The following SLC10A6 variants were observed in gnomAD, a reference collection of about 807,000 sequenced individuals.
SLC10A6 encodes solute carrier family 10 member 6, also known as sodium-dependent organic anion transporter.
In SLC10A6, 27 loss-of-function variants were observed where a neutral mutation model predicts 30.0. The ratio of observed to expected loss-of-function variants is 0.90; its 90% confidence interval spans 0.66 to 1.24. The LOEUF (loss-of-function observed/expected upper bound fraction) is 1.24, where lower values mean the gene tolerates loss of function less well. Ranked by LOEUF, SLC10A6 falls within the 50% of genes most tolerant of loss-of-function variation. The pLI is 0.00. For missense variants in SLC10A6, 439 were observed against 457.0 expected (o/e 0.96, Z 0.36); for synonymous variants, 166 against 173.8 (o/e 0.95, Z 0.36).
chr4:86,842,041 T>C (rs1175021874), intron 1 of SLC10A6, among the ~76,000 whole-genome samples: 1 of 152,218 alleles, frequency 6.6e-6, no homozygotes, highest in Non-Finnish European at 1.5e-5. Context: ...AATAACTCTA[T>C]GTGTGAGTAT....
chr4:86,842,268 A>G (rs1746304351), intron 1 of SLC10A6, among the ~76,000 whole-genome samples: 2 of 152,218 alleles, frequency 1.3e-5, no homozygotes, highest in Non-Finnish European at 2.9e-5. Context: ...TCAAAGGTCA[A>G]AGTTGGCCAC....
intron 1 of SLC10A6, among the ~76,000 whole-genome samples, chr4:86,841,910 T>A (rs1374491395): frequency 1.3e-5 from 2 of 152,180 alleles, no homozygotes; most frequent in East Asian, 3.8e-4. Context: ...CGATTTTCCA[T>A]CCCTCAATAT....
chr4:86,830,457 A>G (rs1380828780), intron 3 of SLC10A6, among the ~76,000 whole-genome samples: 4 of 152,350 alleles, frequency 2.6e-5, no homozygotes, highest in Admixed American at 6.5e-5. Context: ...TTCCATGAGT[A>G]CAGCTAAAAA....
chr4:86,842,410 C>T (rs993825116), intron 1 of SLC10A6, among the ~76,000 whole-genome samples: 1 of 152,188 alleles, frequency 6.6e-6, no homozygotes, highest in Non-Finnish European at 1.5e-5. Flanking sequence ...AGTGGGAGGC[C>T]AGGCGTAAGT....
chr4:86,840,448 T>C (rs539946281), intron 1 of SLC10A6, among the ~76,000 whole-genome samples: 28 of 152,348 alleles, frequency 1.8e-4, no homozygotes, highest in Admixed American at 3.9e-4. Context: ...TCAGAGCTGT[T>C]TTTTTAATGG....
chr4:86,847,263 A>C (rs985371713), intron 1 of SLC10A6, among the ~76,000 whole-genome samples: 4 of 152,230 alleles, frequency 2.6e-5, no homozygotes, highest in Non-Finnish European at 5.9e-5. Flanking sequence ...ATGAGCCCCA[A>C]GAAGAAAATA....
chr4:86,835,437 C>A (rs996787812), intron 1 of SLC10A6, among the ~76,000 whole-genome samples: 1 of 152,108 alleles, frequency 6.6e-6, no homozygotes, highest in African/African-American at 2.4e-5. Flanking sequence ...GAGGCCAAGG[C>A]GGGCAGATGA....
intron 1 of SLC10A6, among the ~76,000 whole-genome samples, chr4:86,846,186 C>T (rs914186855): frequency 7.2e-5 from 11 of 152,006 alleles, no homozygotes; most frequent in African/African-American, 1.5e-4. Flanking sequence ...TGTTTCACAC[C>T]GTACTTGATT....
chr4:86,830,230 T>TAA (rs918356989), intron 3 of SLC10A6, among the ~76,000 whole-genome samples: 1 of 149,472 alleles, frequency 6.7e-6, no homozygotes, highest in Non-Finnish European at 1.5e-5. Context: ...ACCCTGTCTC[T>TAA]AAAAAAAAAA....
chr4:86,838,678 TTTGG>T (rs748693179), intron 1 of SLC10A6, among the ~76,000 whole-genome samples: 70 of 151,734 alleles, frequency 4.6e-4, no homozygotes, highest in Non-Finnish European at 9.1e-4. Context: ...ATCCCAGCAC[TTTGG>T]GAGGCCAAGG....
rs1211028657 is a variant in SLC10A6 at position 86,825,441 on chromosome 4, C to T, written c.898G>A (p.Asp300Asn). 6.2e-7 allele frequency: 1 copy of T among 1,600,484 alleles called. No homozygotes were observed. The highest frequency in any genetic ancestry group is 1.1e-5 in the South Asian group (1 of 90,162). The change falls in exon 5 of 6, where the codon GAT becomes AAT. Residue 300 changes from aspartate (D) to asparagine (N), a missense_variant. Asp to Asn is a conservative substitution (Grantham distance 23). Transcript: ENST00000273905. ...PLAYGLFQLI[D>N]GFLIVAAYQT... ...CCACCTGCAACAATAAGAAATCCAT[C>T]TATCAGCTGGAAGAGTCCATAGGCC...
intron 1 of SLC10A6, among the ~76,000 whole-genome samples, chr4:86,842,940 C>T (rs570098888): frequency 1.0e-3 from 155 of 147,842 alleles, no homozygotes; most frequent in Non-Finnish European, 1.5e-3. Flanking sequence ...GGTGTGATCT[C>T]GGCTCACAGC....
Position 86,833,370 on chromosome 4 carries a change from G to A in SLC10A6, c.432C>T (p.Cys144=). 6.2e-7 allele frequency: 1 copy of A among 1,614,088 alleles called. No homozygotes were observed. The highest frequency in any genetic ancestry group is 8.5e-7 in the Non-Finnish European group (1 of 1,179,982). The change falls in exon 2 of 6, where the codon TGC becomes TGT. Residue 144 remains cysteine (C), a synonymous_variant. Coordinates refer to ENST00000273905, the MANE Select transcript of SLC10A6 (RefSeq NM_197965.3). ...TVAALGMMPL[C]IYLYTWSWSL... ...TCCAGGACCAGGTGTAGAGATAAAT[G>A]CAGAGTGGCATCATTCCCAGGGCGG... is the stretch of plus-strand genomic sequence containing the variant.
At chr4:86,844,156 T>C (rs1050882209) in intron 1 of SLC10A6, among the ~76,000 whole-genome samples, 13 of 152,206 alleles carry the variant, frequency 8.5e-5, no homozygotes, top group Admixed American at 6.5e-4. Flanking sequence ...CCAGCCTGGG[T>C]GACAGAGCGA....
At chr4:86,837,562 T>G in intron 1 of SLC10A6, 2 of 982,576 alleles carry the variant, frequency 2.0e-6, no homozygotes, top group Non-Finnish European at 2.4e-6. Context: ...TGAAGAAATA[T>G]TCAACCTTAC....
chr4:86,846,626 T>C (rs773011108), intron 1 of SLC10A6, among the ~76,000 whole-genome samples: 1 of 152,114 alleles, frequency 6.6e-6, no homozygotes, highest in Non-Finnish European at 1.5e-5. Context: ...CTCAGGAGGC[T>C]GAGGCAGGAG....
chr4:86,836,780 T>G (rs1226070285), intron 1 of SLC10A6, among the ~76,000 whole-genome samples: 2 of 152,150 alleles, frequency 1.3e-5, no homozygotes, highest in Non-Finnish European at 2.9e-5. Context: ...TTTTTTGAAA[T>G]GGAGTCCCAC....
intron 1 of SLC10A6, among the ~76,000 whole-genome samples, chr4:86,842,808 TTCTTTCTTTCTTTCTTTC>T (rs1193092345): frequency 7.5e-5 from 1 of 13,262 alleles, no homozygotes; most frequent in Non-Finnish European, 1.2e-4. Flanking sequence ...CTTTCTTTCT[TTCTTTCTTTCTTTCTTTC>T]TTTCTTTCTT....
chr4:86,824,012 T>C (rs1163953330), intron 5 of SLC10A6, 110 bp from the exon 6 acceptor site: 1 of 940,040 alleles, frequency 1.1e-6, no homozygotes, highest in African/African-American at 1.6e-5. Flanking sequence ...GCATCATGTA[T>C]GTATAAACAC....
Sources: gnomAD v4.1 joint callset for allele counts (sites outside exome capture counted in the v4.1 genomes callset) on GRCh38, gnomAD v4.1.1 for gene constraint, MANE v1.5 for transcripts, NCBI Gene and HGNC (gene_info 2026-07-23, HGNC 2026-07-21) for gene names.